FGF12: variants seen among roughly 807,000 people sequenced by gnomAD.
The protein encoded by FGF12 is fibroblast growth factor 12B.
In FGF12, 14 loss-of-function variants were observed where a neutral mutation model predicts 23.6. That is an observed-to-expected ratio of 0.59 (90% CI 0.39 to 0.93). The LOEUF is 0.93. FGF12 is among the 40% of genes least tolerant of loss of function. The probability of loss-of-function intolerance (pLI) is 0.00; values close to 1 mark genes in which losing one functional copy is unlikely to be tolerated. For missense variants in FGF12, 175 were observed against 217.8 expected, an observed-to-expected ratio of 0.80 and a Z score of 1.24; for synonymous variants, 62 against 77.3, an observed-to-expected ratio of 0.80 and a Z score of 1.04.
At chr3:192,425,177 A>C (rs748357235) in intron 2 of FGF12, among the ~76,000 whole-genome samples, 8 of 152,158 alleles carry the variant, frequency 5.3e-5, no homozygotes, top group Non-Finnish European at 1.2e-4. Flanking sequence ...CACATGGGAG[A>C]CATAAAGAAA....
intron 4 of FGF12, among the ~76,000 whole-genome samples, chr3:192,203,004 TAAAG>T (rs1717449919): frequency 6.6e-6 from 1 of 152,224 alleles, no homozygotes; most frequent in Non-Finnish European, 1.5e-5. Flanking sequence ...AATACAATGC[TAAAG>T]CATTTCATTG....
At chr3:192,440,344 G>T (rs1175841504) in intron 2 of FGF12, among the ~76,000 whole-genome samples, 1 of 152,166 alleles carries the variant, frequency 6.6e-6, no homozygotes, top group Non-Finnish European at 1.5e-5. Context: ...GGAGCATTTA[G>T]CACAGAAGGG....
chr3:192,155,126 C>A (rs967430305), intron 5 of FGF12, among the ~76,000 whole-genome samples: 24 of 107,314 alleles, frequency 2.2e-4, no homozygotes, highest in African/African-American at 3.2e-4. Context: ...GAACTCCCTG[C>A]CCCCTTGCGC....
intron 2 of FGF12, among the ~76,000 whole-genome samples, chr3:192,385,920 C>T (rs149530446): frequency 5.9e-4 from 90 of 152,260 alleles, no homozygotes; most frequent in African/African-American, 2.1e-3. Flanking sequence ...CGTGGACATG[C>T]CTGGAGGAAG....
Position 192,408,124 on chromosome 3 carries a change from T to A in FGF12, c.14-47586A>T. 1 of 1,612,924 alleles carries A rather than the reference T, an allele frequency of 6.2e-7. No homozygotes were observed. ...TCGCACAGGGAGCGCCCGTCTTTGC[T>A]GGGGCTGGAGCGGCGCTTGGAGGCC... On this transcript the variant is annotated intron_variant, in intron 2 of 5. Coordinates refer to ENST00000445105, the MANE Select transcript of FGF12 (RefSeq NM_004113.6). The surrounding 1 kb of genome is among the most constrained non-coding windows in gnomAD (Gnocchi z 7.3).
At chr3:192,172,218 G>A (rs566276636) in intron 4 of FGF12, among the ~76,000 whole-genome samples, 43 of 139,302 alleles carry the variant, frequency 3.1e-4, no homozygotes, top group East Asian at 8.3e-4. Context: ...GTGAAACCCC[G>A]TCTCTACTAA....
At position 192,345,642 on chromosome 3, in the gene FGF12, G is replaced by C. The variant is rs1317900969; in HGVS notation, c.125-10178C>G. On this transcript the variant is annotated intron_variant, in intron 3 of 5. Coordinates refer to ENST00000445105, the MANE Select transcript of FGF12 (RefSeq NM_004113.6). Reference sequence around the variant, plus strand: ...GCGGAGCTTGCAGTGAGCCGAGATCGCGCCACTGCACTCCAGCCTGGGCGA... The same window carrying C: ...GCGGAGCTTGCAGTGAGCCGAGATCCCGCCACTGCACTCCAGCCTGGGCGA... 2.4e-4 allele frequency among the ~76,000 whole-genome samples: 10 copies of C among 41,718 alleles called. 3 individuals are homozygous for C. Among genetic ancestry groups the C allele is most frequent in the Non-Finnish European group, 3.5e-4 (10 of 28,710 alleles). The allele number at this position is 41,718 out of a possible 152,430, so 27.4% of individuals were successfully genotyped here. A position where few individuals can be genotyped will look rare whatever the true frequency, so the allele number is the denominator to read the frequency against.
intron 4 of FGF12, among the ~76,000 whole-genome samples, chr3:192,299,313 C>G (rs901003746): frequency 2.6e-5 from 4 of 152,110 alleles, no homozygotes; most frequent in African/African-American, 9.7e-5. Context: ...TCTGTAAATT[C>G]AAATTTGATT....
intron 4 of FGF12, among the ~76,000 whole-genome samples, chr3:192,310,116 A>G (rs1055365185): frequency 1.3e-5 from 2 of 152,204 alleles, no homozygotes; most frequent in African/African-American, 4.8e-5. Context: ...ATAAACACAA[A>G]AAAGTGCTGG....
chr3:192,551,163 AG>A (rs1218035922), intron 2 of FGF12, among the ~76,000 whole-genome samples: 1 of 152,230 alleles, frequency 6.6e-6, no homozygotes, highest in Non-Finnish European at 1.5e-5. Context: ...TTTTAGAGAA[AG>A]GGAAAATGTA....
intron 2 of FGF12, among the ~76,000 whole-genome samples, chr3:192,529,555 C>G (rs1306220331): frequency 6.6e-6 from 1 of 152,172 alleles, no homozygotes; most frequent in Non-Finnish European, 1.5e-5. Flanking sequence ...TTTTCAGCAG[C>G]ACCCCACTCT....
intron 2 of FGF12, among the ~76,000 whole-genome samples, chr3:192,715,912 A>T (rs1718851445): frequency 6.6e-6 from 1 of 152,238 alleles, no homozygotes; most frequent in South Asian, 2.1e-4. Context: ...GTGGTTGTGG[A>T]TAATGCTGGG....
intron 4 of FGF12, among the ~76,000 whole-genome samples, chr3:192,205,148 TTAATC>T (rs1212536866): frequency 2.6e-5 from 4 of 152,150 alleles, no homozygotes; most frequent in Admixed American, 2.6e-4. Flanking sequence ...AAAAAAAAGA[TTAATC>T]TAATTTAGAA....
chr3:192,146,904 CTT>C (rs1445758960), intron 5 of FGF12, among the ~76,000 whole-genome samples: 1 of 152,106 alleles, frequency 6.6e-6, no homozygotes, highest in African/African-American at 2.4e-5. Flanking sequence ...AAAATTTGCT[CTT>C]TTTCTCATAC....
At chr3:192,279,255 A>ATATATAT in intron 4 of FGF12, among the ~76,000 whole-genome samples, 1 of 120,118 alleles carries the variant, frequency 8.3e-6, no homozygotes, top group African/African-American at 4.2e-5. Flanking sequence ...TATATATATA[A>ATATATAT]AATGTACATT....
At chr3:192,349,233 T>C (rs184940514) in intron 3 of FGF12, among the ~76,000 whole-genome samples, 1 of 152,222 alleles carries the variant, frequency 6.6e-6, no homozygotes, top group African/African-American at 2.4e-5. Context: ...GTAACTTATG[T>C]TGAAGACGGA....
At position 192,408,930 on chromosome 3, in the gene FGF12, C is replaced by T. The variant is rs2108776826; in HGVS notation, c.14-48392G>A. On this transcript the variant is annotated intron_variant, in intron 2 of 5. Transcript: ENST00000445105. The surrounding 1 kb of genome is among the most constrained non-coding windows in gnomAD (Gnocchi z 7.3). ...CTGCGGCTTTCCAGGGGCCGGCCAC[C>T]CGAGTTCTGGAATTCCGAGAGGCGC... 1.0e-6 allele frequency: 1 copy of T among 985,280 alleles called. No individual in the cohort carries two copies. Among genetic ancestry groups the T allele is most frequent in the Non-Finnish European group, 1.2e-6 (1 of 829,958 alleles). The allele number at this position is 985,280 out of a possible 1,614,324, so 61.0% of individuals were successfully genotyped here.
intron 2 of FGF12, among the ~76,000 whole-genome samples, chr3:192,692,156 C>G (rs974674496): frequency 2.0e-5 from 3 of 152,058 alleles, no homozygotes; most frequent in African/African-American, 7.2e-5. Context: ...ACATACAAAC[C>G]CATTTTATGA....
chr3:192,524,846 A>C (rs1275075290), intron 2 of FGF12, among the ~76,000 whole-genome samples: 1 of 149,956 alleles, frequency 6.7e-6, no homozygotes, highest in Non-Finnish European at 1.5e-5. Context: ...TTTCTTTCTT[A>C]AACCCGAGTG....
Sources: allele counts gnomAD v4.1 joint callset (sites outside exome capture counted in the v4.1 genomes callset), GRCh38; gene constraint gnomAD v4.1.1; non-coding constraint Gnocchi (gnomAD v3.1); transcripts MANE v1.5; gene names NCBI Gene and HGNC (gene_info 2026-07-23, HGNC 2026-07-21).